The following NUP50 variants were observed in gnomAD, a reference collection of about 807,000 sequenced individuals.
NUP50 encodes the protein nuclear pore complex protein Nup50.
A neutral mutation model predicts 36.8 loss-of-function variants in NUP50; 14 were observed. The observed-to-expected ratio is 0.38, with a 90% CI of 0.25 to 0.59. The LOEUF (loss-of-function observed/expected upper bound fraction) is 0.59. Ranked by LOEUF, NUP50 falls within the 20% of genes least tolerant of loss-of-function variation. The pLI is 0.63. For missense variants in NUP50, 455 were observed against 564.6 expected (o/e 0.81, Z 1.97); for synonymous variants, 195 against 210.8 (o/e 0.93, Z 0.65).
At chr22:45,167,010 G>C (rs1461541258) in intron 1 of NUP50, among the ~76,000 whole-genome samples, 1 of 152,114 alleles carries the variant, frequency 6.6e-6, no homozygotes, top group African/African-American at 2.4e-5. Context: ...TGGAATACCA[G>C]CATTTGCATT....
chr22:45,171,660 A>C lies in NUP50; in HGVS notation c.130A>C (p.Lys44Gln). ...VLKNRAIKKA[K>Q]RRNVGFESDT... ...GAAGAATAGAGCCATAAAGAAAGCA[A>C]AGCGCAGAAATGTTGGATTTGAAGT... Residue 44 changes from lysine to glutamine, a missense_variant, in exon 3 of 8, where the codon AAG becomes CAG. Lys to Gln is a moderately conservative substitution (Grantham distance 53). Coordinates refer to ENST00000347635, the MANE Select transcript of NUP50 (RefSeq NM_007172.4). 3.7e-6 allele frequency: 6 copies of C among 1,614,136 alleles called. No individual in the cohort carries two copies. Among genetic ancestry groups the C allele is most frequent in the Non-Finnish European group, 5.1e-6 (6 of 1,179,988 alleles).
At chr22:45,181,692 C>T (rs1430470935) in intron 6 of NUP50, among the ~76,000 whole-genome samples, 4 of 152,136 alleles carry the variant, frequency 2.6e-5, no homozygotes, top group Admixed American at 1.3e-4. Context: ...TTCTCCCTCC[C>T]CTTCCTCCTC....
At chr22:45,169,712 C>T (rs1472742404) in intron 2 of NUP50, among the ~76,000 whole-genome samples, 3 of 152,180 alleles carry the variant, frequency 2.0e-5, no homozygotes, top group East Asian at 1.9e-4. Flanking sequence ...GCATAAGGGC[C>T]GCTTGAGGGC....
intron 6 of NUP50, 41 bp from the exon 7 acceptor site, chr22:45,183,361 G>C: frequency 8.5e-7 from 1 of 1,182,124 alleles, no homozygotes; most frequent in South Asian, 1.2e-5. Context: ...GACTTGATTC[G>C]TCCTTGAATG....
At chr22:45,183,140 G>A (rs2074408939) in intron 6 of NUP50, among the ~76,000 whole-genome samples, 1 of 150,134 alleles carries the variant, frequency 6.7e-6, no homozygotes, top group Non-Finnish European at 1.5e-5. Context: ...TGAGAACACA[G>A]TTTCAGAAAG....
rs772692403 is a variant in NUP50, at chr22:45,178,320, C to T, written c.423C>T (p.Ser141=). 10 of 1,613,902 alleles carry T rather than the reference C, an allele frequency of 6.2e-6. No individual in the cohort carries two copies. The East Asian group carries it at 8.9e-5, about 14-fold the overall frequency. ...CTAATGGGGACAGTCAGCAGCCCTC[C>T]TCCTCTGGCCTTGCTTCCAGTAAAG... ...PKTNGDSQQP[S]SSGLASSKAC... The change falls in exon 5 of 8, where the codon TCC becomes TCT. Residue 141 remains serine (S), a synonymous_variant. Coordinates refer to ENST00000347635, the MANE Select transcript of NUP50 (RefSeq NM_007172.4).
At chr22:45,170,749 A>T (rs981083593) in intron 2 of NUP50, among the ~76,000 whole-genome samples, 4 of 152,230 alleles carry the variant, frequency 2.6e-5, no homozygotes, top group Non-Finnish European at 4.4e-5. Context: ...AGTAACATCT[A>T]GATTACCATG....
Position 45,168,190 on chromosome 22 carries a change from A to G in NUP50, c.13A>G (p.Asn5Asp). ...TAGGTTCGAAAACATGGCCAAAAGAAATGCCGAGAAGGAACTGACAGATAG... is the reference window on the plus strand; with the variant it reads ...TAGGTTCGAAAACATGGCCAAAAGAGATGCCGAGAAGGAACTGACAGATAG... MAKR[N>D]AEKELTDRNW... Residue 5 changes from asparagine (N) to aspartate (D), a missense_variant, in exon 2 of 8, where the codon AAT (asparagine) becomes GAT (aspartate). Physicochemically the swap from Asn to Asp is conservative, Grantham distance 23 (BLOSUM62 1). Around this residue, in one of 3 missense-constraint regions of NUP50, gnomAD observed 166 missense variants for 202.8 expected, o/e 0.82. Transcript: ENST00000347635. 1 of 1,610,776 alleles carries G rather than the reference A, an allele frequency of 6.2e-7. No homozygotes were observed. Among genetic ancestry groups the G allele is most frequent in the Non-Finnish European group, 8.5e-7 (1 of 1,179,046 alleles).
Position 45,178,324 on chromosome 22 carries a change from T to C in NUP50, c.427T>C (p.Ser143Pro). The C allele has an allele frequency of 6.2e-7, 1 of 1,614,016 alleles. No individual in the cohort carries two copies. Among genetic ancestry groups the C allele is most frequent in the Non-Finnish European group, 8.5e-7 (1 of 1,179,848 alleles). Residue 143 changes from serine (S) to proline (P), a missense_variant, in exon 5 of 8, where the codon TCT (serine) becomes CCT (proline). Transcript: ENST00000347635. Reference sequence around the variant, plus strand: ...TGGGGACAGTCAGCAGCCCTCCTCCTCTGGCCTTGCTTCCAGTAAAGCTTG... The same window carrying C: ...TGGGGACAGTCAGCAGCCCTCCTCCCCTGGCCTTGCTTCCAGTAAAGCTTG... The part of the protein sequence containing the change: ...TNGDSQQPSS[S>P]GLASSKACVG...
Position 45,185,989 on chromosome 22 carries a change from AAG to A in NUP50, c.*1337_*1338del, listed in dbSNP as rs1454080894. On this transcript the variant is annotated 3_prime_UTR_variant, in exon 8 of 8. Transcript: ENST00000347635. ...TGCGTAGCACATTCTCCATTTAGAAAAGAGTGGTCAGAATAATTGTGGACGGT... is the reference window on the plus strand; with the variant it reads ...TGCGTAGCACATTCTCCATTTAGAAAAGTGGTCAGAATAATTGTGGACGGT... The A allele has an allele frequency of 1.3e-5, 2 of 152,182 alleles. No homozygotes were observed. The highest frequency in any genetic ancestry group is 3.9e-4 in the East Asian group (2 of 5,140). The allele number at this position is 152,182 out of a possible 1,614,324, so 9.4% of individuals were successfully genotyped here. A position where few individuals can be genotyped will look rare whatever the true frequency, so the allele number is the denominator to read the frequency against.
chr22:45,183,360 C>T (rs765086886), intron 6 of NUP50, 42 bp from the exon 7 acceptor site: 19 of 1,155,420 alleles, frequency 1.6e-5, no homozygotes, highest in East Asian at 2.3e-5. Flanking sequence ...TGACTTGATT[C>T]GTCCTTGAAT....
chr22:45,182,623 G>GTT (rs550478534), intron 6 of NUP50, among the ~76,000 whole-genome samples: 3,737 of 95,838 alleles, frequency 0.039, 410 homozygotes, highest in African/African-American at 0.1. Flanking sequence ...CTTGAGGTTT[G>GTT]TTTTTTTTTT....
chr22:45,170,533 G>C (rs951760942), intron 2 of NUP50, among the ~76,000 whole-genome samples: 1 of 152,082 alleles, frequency 6.6e-6, no homozygotes, highest in Non-Finnish European at 1.5e-5. Context: ...TCCTTCTTTT[G>C]GAATCTTTCT....
chr22:45,182,288 A>G (rs1190088985), intron 6 of NUP50, among the ~76,000 whole-genome samples: 1 of 152,152 alleles, frequency 6.6e-6, no homozygotes, highest in Non-Finnish European at 1.5e-5. Flanking sequence ...TAAAAATATG[A>G]AAATTAGCCT....
At chr22:45,183,085 C>CGGGGGGGGGGGGGGGGGG in intron 6 of NUP50, among the ~76,000 whole-genome samples, 1 of 114,204 alleles carries the variant, frequency 8.8e-6, no homozygotes, top group Non-Finnish European at 1.8e-5. Flanking sequence ...GGGTTGGGGG[C>CGGGGGGGGGGGGGGGGGG]GGGGGGGGGG....
At chr22:45,169,579 T>C (rs2074152307) in intron 2 of NUP50, among the ~76,000 whole-genome samples, 1 of 152,226 alleles carries the variant, frequency 6.6e-6, no homozygotes, top group Non-Finnish European at 1.5e-5. Context: ...GCTTTTAATA[T>C]TACTCTTTGT....
At chr22:45,165,293 G>A (rs2074078028) in intron 1 of NUP50, among the ~76,000 whole-genome samples, 1 of 152,196 alleles carries the variant, frequency 6.6e-6, no homozygotes, top group African/African-American at 2.4e-5. Context: ...CCAGGCCTCA[G>A]TGTAGTGGTA....
At chr22:45,183,924 C>T (rs1047961631) in intron 7 of NUP50, 15 of 211,968 alleles carry the variant, frequency 7.1e-5, no homozygotes, top group Non-Finnish European at 9.6e-5. Flanking sequence ...AGGAGGAAGA[C>T]GGGGCAGGCC....
Position 45,184,668 on chromosome 22 carries a change from G to T in NUP50, c.*13G>T. 11 of 1,604,034 alleles carry T rather than the reference G, an allele frequency of 6.9e-6. No homozygotes were observed. Among genetic ancestry groups the T allele is most frequent in the Non-Finnish European group, 9.4e-6 (11 of 1,175,308 alleles). On this transcript the variant is annotated 3_prime_UTR_variant, in exon 8 of 8. Transcript: ENST00000347635. ...AAAGGATGCCTGAACACGCAAAGTC[G>T]GCTGCAGAATTATTGCCAAGTTGCT...
Sources: gnomAD v4.1 joint callset for allele counts (sites outside exome capture counted in the v4.1 genomes callset) on GRCh38, gnomAD v4.1.1 for gene constraint, gnomAD v4.1.1 regional missense constraint, MANE v1.5 for transcripts, NCBI Gene and HGNC (gene_info 2026-07-23, HGNC 2026-07-21) for gene names.